Variants in SPECC1L observed in about 807,000 individuals in gnomAD.
SPECC1L encodes cytospin-A.
SPECC1L carries 40 observed loss-of-function variants against 116.8 expected under a neutral mutation model. The observed-to-expected ratio is 0.34, with a 90% CI of 0.27 to 0.45. The LOEUF is 0.45. SPECC1L is among the 20% of genes least tolerant of loss of function. The pLI is 1.00. For synonymous variants in SPECC1L, 504 were observed against 500.6 expected, an observed-to-expected ratio of 1.01 and a Z score of -0.09; for missense variants, 1,110 against 1,373.6, an observed-to-expected ratio of 0.81 and a Z score of 3.03.
chr22:24,331,406 C>CTAGT (rs1274469655), intron 8 of SPECC1L, among the ~76,000 whole-genome samples: 13 of 152,214 alleles, frequency 8.5e-5, no homozygotes, highest in Admixed American at 8.5e-4. Context: ...TGTTTCTCTA[C>CTAGT]TAGTATAAAA....
chr22:24,392,686 A>G (rs2042294744), intron 14 of SPECC1L, among the ~76,000 whole-genome samples: 1 of 152,230 alleles, frequency 6.6e-6, no homozygotes. Context: ...CTTTAGATTC[A>G]GTAGAAAAGA....
chr22:24,273,487 A>C (rs1181017195), intron 1 of SPECC1L, among the ~76,000 whole-genome samples: 1 of 152,234 alleles, frequency 6.6e-6, no homozygotes, highest in Non-Finnish European at 1.5e-5. Flanking sequence ...GGTAAACGTA[A>C]ATAGTAAATG....
chr22:24,338,681 CTAA>C (rs1185394162), intron 10 of SPECC1L, among the ~76,000 whole-genome samples: 4 of 152,202 alleles, frequency 2.6e-5, no homozygotes, highest in East Asian at 1.9e-4. Flanking sequence ...CTGATAGACT[CTAA>C]TAATGATGGC....
intron 8 of SPECC1L, 41 bp downstream of exon 8, chr22:24,330,472 G>T: frequency 6.2e-7 from 1 of 1,605,252 alleles, no homozygotes; most frequent in South Asian, 1.1e-5. Context: ...TGTTTCAGTA[G>T]AGAACACTTA....
At chr22:24,282,524 A>G (rs910339389) in intron 2 of SPECC1L, among the ~76,000 whole-genome samples, 7 of 152,170 alleles carry the variant, frequency 4.6e-5, no homozygotes, top group Non-Finnish European at 4.4e-5. Context: ...TCGTGGTAAA[A>G]GTGGATTTCC....
Position 24,406,532 on chromosome 22 carries a change from C to G in SPECC1L, c.3088-5056C>G, listed in dbSNP as rs534560431. Reference sequence around the variant, plus strand: ...CCTGTGCTCCCCTGGCAGCCTGGAGCCCACTGTGGTCTGGGTTTGGGGATA... The same window carrying G: ...CCTGTGCTCCCCTGGCAGCCTGGAGGCCACTGTGGTCTGGGTTTGGGGATA... On this transcript the variant is annotated intron_variant, in intron 14 of 16. Transcript: ENST00000314328. 1.9e-3 allele frequency among the ~76,000 whole-genome samples: 285 copies of G among 152,284 alleles called. 1 individual carries two copies. Among genetic ancestry groups the G allele is most frequent in the African/African-American group, 6.6e-3 (275 of 41,556 alleles).
intron 8 of SPECC1L, among the ~76,000 whole-genome samples, 177 bp downstream of exon 8, chr22:24,330,608 CTA>C (rs2040918121): frequency 6.6e-6 from 1 of 152,210 alleles, no homozygotes; most frequent in South Asian, 2.1e-4. Context: ...CTAGTACCAT[CTA>C]TGTGGATCTT....
At chr22:24,365,367 C>T in intron 12 of SPECC1L, 109 bp from the exon 13 acceptor site, 1 of 1,006,912 alleles carries the variant, frequency 9.9e-7, no homozygotes, top group South Asian at 1.5e-5. Context: ...TTAGTTTTTC[C>T]TCCTGTATGG....
At chr22:24,297,097 G>A (rs1171744099) in intron 2 of SPECC1L, among the ~76,000 whole-genome samples, 5 of 149,226 alleles carry the variant, frequency 3.4e-5, no homozygotes, top group Non-Finnish European at 5.9e-5. Flanking sequence ...CACCACGCTC[G>A]GCTAATTTTT....
chr22:24,288,566 A>G (rs1266080913), intron 2 of SPECC1L, among the ~76,000 whole-genome samples: 1 of 134,722 alleles, frequency 7.4e-6, no homozygotes, highest in Non-Finnish European at 1.6e-5. Context: ...TTTGAATTCT[A>G]TTTTAACTTA....
intron 14 of SPECC1L, among the ~76,000 whole-genome samples, chr22:24,383,454 A>G (rs2042098454): frequency 6.6e-6 from 1 of 152,202 alleles, no homozygotes; most frequent in African/African-American, 2.4e-5. Flanking sequence ...AATAAGCAGG[A>G]TCAAATGAAT....
chr22:24,321,369 C>T lies in SPECC1L; in HGVS notation c.389C>T (p.Thr130Ile), dbSNP rs750510935. The T allele has an allele frequency of 3.1e-6, 5 of 1,614,230 alleles. No individual in the cohort carries two copies. In the South Asian group the frequency reaches 5.5e-5, roughly 18 times the overall value. ...ACTAGAGAAAGATTACGTGAACGTA[C>T]CCGATTAAACCAGAGCAAAAAACTA... ...SSTRERLRER[T>I]RLNQSKKLPS... The change falls in exon 5 of 17, where the codon ACC (threonine) becomes ATC (isoleucine). Residue 130 changes from threonine (T) to isoleucine (I), a missense_variant. By Grantham distance (89) the Thr-to-Ile change is moderately conservative (BLOSUM62 -1). Coordinates refer to ENST00000314328, the MANE Select transcript of SPECC1L (RefSeq NM_015330.6).
At chr22:24,275,378 G>A (rs569813322) in intron 1 of SPECC1L, among the ~76,000 whole-genome samples, 1 of 152,200 alleles carries the variant, frequency 6.6e-6, no homozygotes, top group Non-Finnish European at 1.5e-5. Context: ...TTCAAAGTCT[G>A]TTTAATTGTA....
intron 14 of SPECC1L, among the ~76,000 whole-genome samples, chr22:24,392,007 AG>A (rs904791718): frequency 6.6e-6 from 1 of 152,208 alleles, no homozygotes; most frequent in Non-Finnish European, 1.5e-5. Context: ...CAGAAGTTAG[AG>A]GAAGTCAGAC....
chr22:24,406,940 C>T (rs915640041), intron 14 of SPECC1L, among the ~76,000 whole-genome samples: 6 of 152,216 alleles, frequency 3.9e-5, no homozygotes, highest in South Asian at 4.1e-4. Context: ...CAGAGGGCTG[C>T]GGGCTTCTTC....
chr22:24,349,879 C>G (rs1200960708), intron 11 of SPECC1L, among the ~76,000 whole-genome samples: 2 of 152,192 alleles, frequency 1.3e-5, no homozygotes, highest in Admixed American at 6.5e-5. Flanking sequence ...GTTCTTGACA[C>G]TGTAGCTTGA....
chr22:24,394,608 G>C (rs1483978960), intron 14 of SPECC1L, among the ~76,000 whole-genome samples: 1 of 152,146 alleles, frequency 6.6e-6, no homozygotes, highest in African/African-American at 2.4e-5. Context: ...TTCAGAAGCT[G>C]CCCAACTGTC....
chr22:24,330,133 A>G, intron 7 of SPECC1L, 123 bp from the exon 8 acceptor site: 1 of 973,282 alleles, frequency 1.0e-6, no homozygotes, highest in Non-Finnish European at 1.6e-6. Flanking sequence ...GGGATTAAAA[A>G]AATTAATCAT....
At position 24,322,388 on chromosome 22, in the gene SPECC1L, C is replaced by A. The variant is rs1278124298; in HGVS notation, c.1408C>A (p.Leu470Ile). The A allele has an allele frequency of 2.5e-6, 4 of 1,614,062 alleles. No individual in the cohort carries two copies. The highest frequency in any genetic ancestry group is 3.3e-5 in the Admixed American group (2 of 60,006). The change falls in exon 5 of 17, where the codon CTA becomes ATA. Residue 470 changes from leucine (L) to isoleucine (I), a missense_variant. Transcript: ENST00000314328. ...SRQIEYFRSLLDEHHISYVID... is the reference protein window; with the variant it reads ...SRQIEYFRSLIDEHHISYVID... Reference sequence around the variant, plus strand: ...ACAGATTGAATACTTCCGCTCTCTTCTAGATGAGCATCACATTTCTTATGT... The same window carrying A: ...ACAGATTGAATACTTCCGCTCTCTTATAGATGAGCATCACATTTCTTATGT...
Sources: gnomAD v4.1 joint callset for allele counts (sites outside exome capture counted in the v4.1 genomes callset) on GRCh38, gnomAD v4.1.1 for gene constraint, MANE v1.5 for transcripts, NCBI Gene and HGNC (gene_info 2026-07-23, HGNC 2026-07-21) for gene names.